Variants in XYLT1 observed in about 807,000 individuals in gnomAD.
XYLT1 encodes xylosyltransferase 1, also known as beta-D-xylosyltransferase 1.
In XYLT1, 36 loss-of-function variants were observed where a neutral mutation model predicts 91.3. That is an observed-to-expected ratio of 0.39 (90% CI 0.30 to 0.52). The LOEUF is 0.52. XYLT1 is among the 20% of genes least tolerant of loss of function. XYLT1 has a pLI of 0.68. For missense variants in XYLT1, 1,242 were observed against 1,284.5 expected (o/e 0.97, Z 0.51); for synonymous variants, 588 against 532.0 (o/e 1.11, Z -1.45).
Position 17,287,852 on chromosome 16 carries a change from C to CTTAACAT in XYLT1, c.403-28361_403-28355dup, listed in dbSNP as rs541198933. 1.4e-3 allele frequency among the ~76,000 whole-genome samples: 219 copies of CTTAACAT among 152,076 alleles called. 1 individual carries two copies. Among genetic ancestry groups the CTTAACAT allele is most frequent in the African/African-American group, 5.1e-3 (211 of 41,474 alleles). On this transcript the variant is annotated intron_variant, in intron 2 of 11. Transcript: ENST00000261381. The stretch of plus-strand genomic sequence containing the variant: ...GCAGCAGAAATAATAATACCAGGAG[C>CTTAACAT]TTAACATTTACCAATCACTTAGGAA...
At position 17,258,973 on chromosome 16, in the gene XYLT1, G is replaced by C. The variant is rs201050552; in HGVS notation, c.913+15C>G. On this transcript the variant is annotated intron_variant, in intron 3 of 11. Coordinates refer to ENST00000261381, the MANE Select transcript of XYLT1 (RefSeq NM_022166.4). ...CCAGGAGATCCCTCTCTGAGCCAGC[G>C]GGGTTGGAACTTACCCTCGAGGGGG... The C allele has an allele frequency of 8.1e-6, 12 of 1,488,362 alleles. No individual in the cohort carries two copies. The highest frequency in any genetic ancestry group is 9.8e-6 in the Non-Finnish European group (11 of 1,118,134). The allele number at this position is 1,488,362 out of a possible 1,614,324, so 92.2% of individuals were successfully genotyped here. A position where few individuals can be genotyped will look rare whatever the true frequency, so the allele number is the denominator to read the frequency against.
At chr16:17,278,489 G>A (rs1426598096) in intron 2 of XYLT1, among the ~76,000 whole-genome samples, 4 of 152,156 alleles carry the variant, frequency 2.6e-5, no homozygotes, top group Non-Finnish European at 5.9e-5. Context: ...AGTTTGACAA[G>A]GCGAGACTGG....
In XYLT1 at chr16:17,138,589, G is replaced by T. The variant is rs8047782; in HGVS notation, c.1588-58C>A. On this transcript the variant is annotated intron_variant, in intron 7 of 11. Transcript: ENST00000261381. ...TCTCCCAGCCTCCCACAGATGAACTGGGGTGGGAAATGGTGAACCCTTGCT... is the reference window on the plus strand; with the variant it reads ...TCTCCCAGCCTCCCACAGATGAACTTGGGTGGGAAATGGTGAACCCTTGCT... 1.1e-3 allele frequency: 1,686 copies of T among 1,580,936 alleles called. 14 individuals are homozygous for T. The African/African-American group carries it at 0.02, about 19-fold the overall frequency.
intron 1 of XYLT1, among the ~76,000 whole-genome samples, chr16:17,466,543 A>C (rs1304798150): frequency 9.9e-5 from 15 of 152,256 alleles, no homozygotes; most frequent in Admixed American, 9.8e-4. Context: ...AACAGTCACC[A>C]GTAAATAAGA....
intron 1 of XYLT1, among the ~76,000 whole-genome samples, chr16:17,375,070 A>G (rs527532216): frequency 6.6e-6 from 1 of 152,318 alleles, no homozygotes; most frequent in South Asian, 2.1e-4. Flanking sequence ...AATATAAGGC[A>G]GACACAGGCT....
At chr16:17,180,342 A>T (rs2032039975) in intron 5 of XYLT1, among the ~76,000 whole-genome samples, 1 of 152,134 alleles carries the variant, frequency 6.6e-6, no homozygotes, top group Admixed American at 6.5e-5. Context: ...AACTTGTTGG[A>T]AACTTCCCCA....
At chr16:17,327,354 CTTTTT>C (rs202024212) in intron 2 of XYLT1, among the ~76,000 whole-genome samples, 3 of 134,656 alleles carry the variant, frequency 2.2e-5, no homozygotes, top group Non-Finnish European at 3.1e-5. Context: ...CTTTTCTTTT[CTTTTT>C]TCTTTTTTTT....
intron 3 of XYLT1, among the ~76,000 whole-genome samples, chr16:17,257,732 C>CCT (rs1419514096): frequency 6.6e-6 from 1 of 152,062 alleles, no homozygotes; most frequent in Non-Finnish European, 1.5e-5. Flanking sequence ...GGCCATGTGA[C>CCT]CTTGGGAGAG....
At chr16:17,458,246 G>A (rs2036770599) in intron 1 of XYLT1, among the ~76,000 whole-genome samples, 1 of 152,112 alleles carries the variant, frequency 6.6e-6, no homozygotes, top group Non-Finnish European at 1.5e-5. Flanking sequence ...TGTTACCCTG[G>A]TTCTGAATAG....
rs11392637 is a variant in XYLT1, at chr16:17,282,960, A to ACCCC, written c.403-23466_403-23463dup. On this transcript the variant is annotated intron_variant, in intron 2 of 11. Coordinates refer to ENST00000261381, the MANE Select transcript of XYLT1 (RefSeq NM_022166.4). ...TGAAACTGACACACAGCAATAAGTC[A>ACCCC]CCCCCCCCAAGTCACACAGCTAGTA... is the stretch of plus-strand genomic sequence containing the variant. Among the ~76,000 whole-genome samples, 4 of 151,254 alleles carry ACCCC rather than the reference A, an allele frequency of 2.6e-5. No individual in the cohort carries two copies. In the South Asian group the frequency reaches 6.4e-4, roughly 24 times the overall value.
At chr16:17,325,430 G>A (rs1053119389) in intron 2 of XYLT1, among the ~76,000 whole-genome samples, 1 of 152,120 alleles carries the variant, frequency 6.6e-6, no homozygotes, top group African/African-American at 2.4e-5. Context: ...GATTTTAGAA[G>A]ATGCTTTTGC....
chr16:17,158,746 A>G (rs2031476417), intron 6 of XYLT1, 83 bp downstream of exon 6: 1 of 1,483,706 alleles, frequency 6.7e-7, no homozygotes, highest in Non-Finnish European at 9.4e-7. Flanking sequence ...CTGTGGCTGC[A>G]TGAAACCAGC....
intron 8 of XYLT1, among the ~76,000 whole-genome samples, chr16:17,135,209 C>T (rs1006269776): frequency 1.3e-5 from 2 of 152,186 alleles, no homozygotes; most frequent in African/African-American, 4.8e-5. Context: ...GCCCACACTC[C>T]ACATGGTAAC....
intron 5 of XYLT1, among the ~76,000 whole-genome samples, chr16:17,195,383 C>T (rs757271384): frequency 4.1e-4 from 62 of 152,118 alleles, no homozygotes; most frequent in African/African-American, 1.1e-3. Flanking sequence ...TTTCTGACCT[C>T]CTGCTTATGG....
At chr16:17,299,318 G>T (rs927884567) in intron 2 of XYLT1, among the ~76,000 whole-genome samples, 3 of 152,162 alleles carry the variant, frequency 2.0e-5, no homozygotes, top group African/African-American at 7.2e-5. Flanking sequence ...ATAACAGAAT[G>T]AAGAGGGGGT....
chr16:17,454,470 C>T (rs1050101356), intron 1 of XYLT1, among the ~76,000 whole-genome samples: 2 of 151,986 alleles, frequency 1.3e-5, no homozygotes, highest in African/African-American at 2.4e-5. Context: ...AGCACAAAAG[C>T]GGCCATAGCT....
At chr16:17,168,075 G>T (rs138507359) in intron 5 of XYLT1, among the ~76,000 whole-genome samples, 1 of 152,170 alleles carries the variant, frequency 6.6e-6, no homozygotes, top group African/African-American at 2.4e-5. Context: ...CTGAAGAAGA[G>T]ACAAGAGCAA....
At chr16:17,176,114 C>T (rs537994937) in intron 5 of XYLT1, among the ~76,000 whole-genome samples, 3 of 152,204 alleles carry the variant, frequency 2.0e-5, no homozygotes, top group African/African-American at 7.2e-5. Context: ...ACTGCAGCCA[C>T]AGTGGTGTTA....
At chr16:17,235,309 CT>C (rs3060127) in intron 3 of XYLT1, among the ~76,000 whole-genome samples, 10,600 of 138,160 alleles carry the variant, frequency 0.077, 396 homozygotes, top group Middle Eastern at 0.092. Flanking sequence ...TCATTATCAT[CT>C]TTTTTTTTTT....
Sources: gnomAD v4.1 joint callset for allele counts (sites outside exome capture counted in the v4.1 genomes callset) on GRCh38, gnomAD v4.1.1 for gene constraint, MANE v1.5 for transcripts, NCBI Gene and HGNC (gene_info 2026-07-23, HGNC 2026-07-21) for gene names.